The following SHISA9 variants were observed in gnomAD, a reference collection of about 807,000 sequenced individuals.
SHISA9 encodes the protein protein shisa-9.
SHISA9 carries 13 observed loss-of-function variants against 38.0 expected under a neutral mutation model. The ratio of observed to expected loss-of-function variants is 0.34; its 90% CI spans 0.22 to 0.54. The LOEUF (loss-of-function observed/expected upper bound fraction) is 0.54. Ranked by LOEUF, SHISA9 falls within the 20% of genes least tolerant of loss-of-function variation. The pLI, the probability that SHISA9 is intolerant of heterozygous loss-of-function variation, is 0.91. For synonymous variants in SHISA9, 275 were observed against 242.0 expected, an observed-to-expected ratio of 1.14 and a Z score of -1.27; for missense variants, 538 against 575.8, an observed-to-expected ratio of 0.93 and a Z score of 0.67.
the SHISA9 span, among the ~76,000 whole-genome samples, chr16:13,434,250 T>C: frequency 6.6e-6 from 1 of 152,114 alleles, no homozygotes; most frequent in African/African-American, 2.4e-5. Flanking sequence ...CTGATTAGAT[T>C]GTGTCCACCC....
At chr16:13,434,419 G>GTTTTTTTT in the SHISA9 span, among the ~76,000 whole-genome samples, 11 of 64,550 alleles carry the variant, frequency 1.7e-4, no homozygotes, top group Admixed American at 3.7e-4. Context: ...GACAAGCTAT[G>GTTTTTTTT]TTTTTTTTTT....
chr16:13,334,583 G>A, the SHISA9 span, among the ~76,000 whole-genome samples: 1 of 151,912 alleles, frequency 6.6e-6, no homozygotes, highest in Non-Finnish European at 1.5e-5. Context: ...GGCCATCCTG[G>A]CTAACATGGT....
At chr16:13,310,685 T>G in the SHISA9 span, among the ~76,000 whole-genome samples, 4 of 90,514 alleles carry the variant, frequency 4.4e-5, 1 homozygote, top group South Asian at 1.6e-3. Flanking sequence ...ATTTTTATGC[T>G]TTTTTTTTTT....
At chr16:12,969,185 C>T (rs1246518863) in intron 2 of SHISA9, among the ~76,000 whole-genome samples, 2 of 149,520 alleles carry the variant, frequency 1.3e-5, no homozygotes, top group East Asian at 2.0e-4. Context: ...GAAAAAAAAA[C>T]GGAGGTGCAC....
the SHISA9 span, among the ~76,000 whole-genome samples, chr16:13,248,355 T>C: frequency 5.4e-4 from 83 of 152,304 alleles, no homozygotes; most frequent in African/African-American, 2.0e-3. Flanking sequence ...ACTGTCTCCC[T>C]TCTCCTTCCC....
intron 3 of SHISA9, among the ~76,000 whole-genome samples, chr16:13,207,015 A>G (rs1032855774): frequency 2.0e-5 from 3 of 152,140 alleles, no homozygotes; most frequent in African/African-American, 7.2e-5. Context: ...ATGCCATTTT[A>G]TTTTATTCTT....
chr16:13,064,220 G>T (rs947800925), intron 2 of SHISA9, among the ~76,000 whole-genome samples: 1 of 152,134 alleles, frequency 6.6e-6, no homozygotes, highest in African/African-American at 2.4e-5. Flanking sequence ...TAGTTTTAAT[G>T]CCAGGCCACA....
At chr16:13,032,988 C>T (rs2073009948) in intron 2 of SHISA9, among the ~76,000 whole-genome samples, 1 of 152,214 alleles carries the variant, frequency 6.6e-6, no homozygotes, top group African/African-American at 2.4e-5. Flanking sequence ...TTTGTCAGAC[C>T]TGCCTTCTGC....
At chr16:13,360,329 A>G in the SHISA9 span, among the ~76,000 whole-genome samples, 2 of 152,074 alleles carry the variant, frequency 1.3e-5, no homozygotes, top group African/African-American at 4.8e-5. Flanking sequence ...TCAGGGCTTG[A>G]TATGGTTTGG....
chr16:13,252,750 C>T, the SHISA9 span, among the ~76,000 whole-genome samples: 16 of 152,288 alleles, frequency 1.1e-4, no homozygotes, highest in Admixed American at 5.9e-4. Flanking sequence ...GATGGAAGCT[C>T]CATGGGGGTA....
the SHISA9 span, among the ~76,000 whole-genome samples, chr16:13,391,821 G>T: frequency 6.6e-6 from 1 of 152,202 alleles, no homozygotes; most frequent in African/African-American, 2.4e-5. Context: ...CTCAATAAAT[G>T]ACTGTACCTG....
chr16:13,288,861 A>G, the SHISA9 span, among the ~76,000 whole-genome samples: 1 of 152,216 alleles, frequency 6.6e-6, no homozygotes, highest in Non-Finnish European at 1.5e-5. Flanking sequence ...CTGTTGGACT[A>G]GGGAACTCAT....
intron 2 of SHISA9, among the ~76,000 whole-genome samples, chr16:13,122,634 A>T (rs1406064711): frequency 6.6e-6 from 1 of 152,226 alleles, no homozygotes; most frequent in Non-Finnish European, 1.5e-5. Context: ...TGCAGAAAAA[A>T]GGGGGAGAAG....
At chr16:13,517,851 G>T in the SHISA9 span, among the ~76,000 whole-genome samples, 2 of 152,204 alleles carry the variant, frequency 1.3e-5, no homozygotes, top group Non-Finnish European at 2.9e-5. Flanking sequence ...AGAGCTAATG[G>T]AAGGTTAGTG....
chr16:13,080,948 CAA>C (rs955079650), intron 2 of SHISA9, among the ~76,000 whole-genome samples: 13 of 152,120 alleles, frequency 8.5e-5, no homozygotes, highest in African/African-American at 3.1e-4. Flanking sequence ...CTCACATGGC[CAA>C]GAGAGAGGTA....
At chr16:13,227,330 A>G (rs906713559) in intron 4 of SHISA9, among the ~76,000 whole-genome samples, 4 of 152,234 alleles carry the variant, frequency 2.6e-5, no homozygotes, top group African/African-American at 7.2e-5. Context: ...CAAAGGGGGT[A>G]GGAGAAAGGG....
At chr16:12,972,640 G>C (rs1277629991) in intron 2 of SHISA9, among the ~76,000 whole-genome samples, 1 of 151,728 alleles carries the variant, frequency 6.6e-6, no homozygotes, top group African/African-American at 2.4e-5. Context: ...ATTGACATGC[G>C]GGTAATGCAA....
At chr16:13,365,056 T>C in the SHISA9 span, among the ~76,000 whole-genome samples, 3 of 152,266 alleles carry the variant, frequency 2.0e-5, no homozygotes, top group African/African-American at 7.2e-5. Context: ...ATGATGATAA[T>C]AAAAGTAATA....
At chr16:13,412,782 G>A in the SHISA9 span, among the ~76,000 whole-genome samples, 17 of 151,692 alleles carry the variant, frequency 1.1e-4, no homozygotes, top group East Asian at 1.7e-3. Context: ...ACTTTAGCCC[G>A]GGAGGCAGAG....
Sources: allele counts gnomAD v4.1 joint callset (sites outside exome capture counted in the v4.1 genomes callset), GRCh38; gene constraint gnomAD v4.1.1; transcripts MANE v1.5; gene names NCBI Gene and HGNC (gene_info 2026-07-23, HGNC 2026-07-21).